The following MTMR2 variants were observed in gnomAD, a reference collection of about 807,000 sequenced individuals.
The protein encoded by MTMR2 is myotubularin related protein 2.
Under a neutral mutation model 86.9 loss-of-function variants are expected in MTMR2, and 55 were observed. The ratio of observed to expected loss-of-function variants is 0.63; its 90% CI spans 0.51 to 0.79. The LOEUF (loss-of-function observed/expected upper bound fraction) is 0.79, where lower values mean the gene tolerates loss of function less well. MTMR2 is among the 30% of genes least tolerant of loss of function. MTMR2 has a pLI of 0.00. For missense variants in MTMR2, 659 were observed against 772.3 expected (o/e 0.85, Z 1.74); for synonymous variants, 241 against 266.8 (o/e 0.90, Z 0.94).
Position 95,924,036 on chromosome 11 carries a change from G to C in MTMR2, c.-82C>G, listed in dbSNP as rs886048773. The C allele has an allele frequency of 2.6e-6, 4 of 1,519,756 alleles. No homozygotes were observed. In the South Asian group the frequency reaches 4.8e-5, roughly 18 times the overall value. 94.1% of individuals were successfully genotyped at this position (1,519,756 alleles called of 1,614,324 possible). ...GGAGAAGCGGAGGGCGGAGTGCTAC[G>C]GACCGGGGCCGCAGTCAGGCCAGCG... On this transcript the variant is annotated 5_prime_UTR_variant, in exon 1 of 15. Transcript: ENST00000346299.
chr11:95,908,036 T>A, intron 1 of MTMR2: 2 of 207,532 alleles, frequency 9.6e-6, no homozygotes, highest in Non-Finnish European at 2.0e-5. Flanking sequence ...AGCATCCAAA[T>A]AAAAAACAGG....
At chr11:95,890,890 T>A (rs1359238244) in intron 1 of MTMR2, among the ~76,000 whole-genome samples, 3 of 151,992 alleles carry the variant, frequency 2.0e-5, no homozygotes, top group Non-Finnish European at 4.4e-5. Flanking sequence ...TAAATAAAAT[T>A]AAAATTTTTT....
intron 6 of MTMR2, among the ~76,000 whole-genome samples, chr11:95,857,985 A>G (rs183661137): frequency 3.9e-5 from 6 of 152,326 alleles, no homozygotes; most frequent in Admixed American, 1.3e-4. Flanking sequence ...AACTGGAGTC[A>G]TAAGACCAAC....
At chr11:95,860,602 C>T (rs1339670824) in intron 5 of MTMR2, among the ~76,000 whole-genome samples, 1 of 152,174 alleles carries the variant, frequency 6.6e-6, no homozygotes, top group Non-Finnish European at 1.5e-5. Context: ...TTGAATTATA[C>T]ACATGCTGTT....
intron 7 of MTMR2, among the ~76,000 whole-genome samples, chr11:95,851,055 C>CTTTTT (rs55809121): frequency 6.4e-5 from 6 of 93,396 alleles, no homozygotes; most frequent in East Asian, 3.0e-4. Flanking sequence ...TCAAATATTC[C>CTTTTT]TTTTTTTTTT....
intron 14 of MTMR2, 110 bp downstream of exon 14, chr11:95,836,038 G>T: frequency 9.3e-7 from 1 of 1,073,952 alleles, no homozygotes; most frequent in Non-Finnish European, 1.4e-6. Context: ...CTATCAATGG[G>T]TAAGGAGTAA....
At chr11:95,914,873 G>A (rs1453410546) in intron 1 of MTMR2, among the ~76,000 whole-genome samples, 3 of 152,006 alleles carry the variant, frequency 2.0e-5, no homozygotes, top group South Asian at 2.1e-4. Context: ...CTAATCTTCC[G>A]TTTTCTTCTC....
At chr11:95,867,903 T>C (rs1035899244) in intron 2 of MTMR2, among the ~76,000 whole-genome samples, 8 of 151,592 alleles carry the variant, frequency 5.3e-5, no homozygotes, top group Non-Finnish European at 7.4e-5. Flanking sequence ...TAATTCTCTA[T>C]AGGCATTTGT....
Position 95,877,331 on chromosome 11 carries a change from CCT to C in MTMR2, c.186+10823_186+10824del, listed in dbSNP as rs1491219087. Among the ~76,000 whole-genome samples the C allele has an allele frequency of 1.6e-4, 15 of 94,736 alleles. 1 individual carries two copies. Among genetic ancestry groups the C allele is most frequent in the African/African-American group, 6.0e-4 (12 of 20,146 alleles). 62.2% of individuals were successfully genotyped at this position (94,736 alleles called of 152,430 possible). A position where few individuals can be genotyped will look rare whatever the true frequency, so the allele number is the denominator to read the frequency against. On this transcript the variant is annotated intron_variant, in intron 2 of 14. Transcript: ENST00000346299. ...CATTCAAGATCAAGCACAGGGAAGC[CCT>C]TTTTTTTTTTTTTTTTTTTTTTTTT...
intron 3 of MTMR2, 121 bp downstream of exon 3, chr11:95,865,478 TAA>T: frequency 1.1e-6 from 1 of 907,100 alleles, no homozygotes; most frequent in Non-Finnish European, 1.9e-6. Context: ...AGACTGCAGG[TAA>T]AGAGTTCTGC....
At chr11:95,882,889 A>ATTTTTTTTTTTTTTT (rs776661875) in intron 2 of MTMR2, among the ~76,000 whole-genome samples, 4 of 76,078 alleles carry the variant, frequency 5.3e-5, no homozygotes, top group South Asian at 5.3e-4. Flanking sequence ...CATCCAGCTA[A>ATTTTTTTTTTTTTTT]TTTTTTTTTT....
At chr11:95,915,812 T>A (rs571132869) in intron 1 of MTMR2, among the ~76,000 whole-genome samples, 14 of 152,280 alleles carry the variant, frequency 9.2e-5, no homozygotes, top group African/African-American at 3.4e-4. Context: ...ACTACTACTT[T>A]ACCGTGCAAT....
At chr11:95,921,688 T>G (rs1234800479) in intron 1 of MTMR2, among the ~76,000 whole-genome samples, 1 of 152,210 alleles carries the variant, frequency 6.6e-6, no homozygotes, top group South Asian at 2.1e-4. Context: ...GAAACTTCCA[T>G]ACAGTAGACA....
In MTMR2 at chr11:95,907,964, C is replaced by G. The variant is rs561763612; in HGVS notation, c.80+15911G>C. The G allele has an allele frequency of 1.3e-5, 5 of 383,348 alleles. 1 individual carries two copies. Among genetic ancestry groups the G allele is most frequent in the African/African-American group, 4.2e-5 (2 of 47,346 alleles). 23.7% of individuals were successfully genotyped at this position (383,348 alleles called of 1,614,324 possible). On this transcript the variant is annotated intron_variant, in intron 1 of 14. Transcript: ENST00000346299. ...AAGACAAGAATGCCCACTGTCATCA[C>G]TCATATTCAACATAACACTGTAAGT...
Position 95,835,133 on chromosome 11 carries a change from T to G in MTMR2, c.*157A>C. The G allele has an allele frequency of 4.0e-6, 3 of 759,434 alleles. No homozygotes were observed. Among genetic ancestry groups the G allele is most frequent in the Admixed American group, 2.3e-5 (1 of 44,072 alleles). The allele number at this position is 759,434 out of a possible 1,614,324, so 47.0% of individuals were successfully genotyped here. ...GTTACTTCACTTAAGCCACCTGCAC[T>G]GCTACAGTTCTAAACTCATCCTAGA... is the stretch of plus-strand genomic sequence containing the variant. On this transcript the variant is annotated 3_prime_UTR_variant, in exon 15 of 15. Transcript: ENST00000346299.
chr11:95,862,236 A>T (rs775896564), intron 4 of MTMR2, 36 bp downstream of exon 4: 9 of 1,558,844 alleles, frequency 5.8e-6, no homozygotes, highest in African/African-American at 1.4e-5. Context: ...CAAACAACAC[A>T]CTCATGTACA....
At chr11:95,841,244 A>G (rs753672972) in intron 12 of MTMR2, among the ~76,000 whole-genome samples, 17 of 152,176 alleles carry the variant, frequency 1.1e-4, no homozygotes, top group South Asian at 8.3e-4. Context: ...AATTCAAAAA[A>G]AAAATTAACA....
At chr11:95,840,834 A>T (rs1030917338) in intron 12 of MTMR2, among the ~76,000 whole-genome samples, 1 of 152,198 alleles carries the variant, frequency 6.6e-6, no homozygotes, top group South Asian at 2.1e-4. Context: ...CTTTAAATTC[A>T]TATGGCAATC....
chr11:95,837,349 G>C (rs958276808), intron 13 of MTMR2, among the ~76,000 whole-genome samples: 11 of 152,004 alleles, frequency 7.2e-5, no homozygotes, highest in African/African-American at 2.7e-4. Context: ...CAGCAACTGG[G>C]CTTCAGTGCA....
Sources: gnomAD v4.1 joint callset for allele counts (sites outside exome capture counted in the v4.1 genomes callset) on GRCh38, gnomAD v4.1.1 for gene constraint, MANE v1.5 for transcripts, NCBI Gene and HGNC (gene_info 2026-07-23, HGNC 2026-07-21) for gene names.